RSRC1: variants seen among roughly 807,000 people sequenced by gnomAD.
RSRC1 encodes the protein serine/Arginine-related protein 53.
In RSRC1, 39 loss-of-function variants were observed where a neutral mutation model predicts 49.1. That is an observed-to-expected ratio of 0.79 (90% confidence interval 0.61 to 1.04). The LOEUF (loss-of-function observed/expected upper bound fraction) is 1.04. Ranked by LOEUF, RSRC1 falls within the 50% of genes least tolerant of loss-of-function variation. The pLI is 0.00. For missense variants in RSRC1, 388 were observed against 402.4 expected (o/e 0.96, Z 0.31); for synonymous variants, 143 against 130.8 (o/e 1.09, Z -0.63).
intron 4 of RSRC1, among the ~76,000 whole-genome samples, chr3:158,263,424 G>A (rs1290400073): frequency 6.6e-6 from 1 of 151,968 alleles, no homozygotes; most frequent in Non-Finnish European, 1.5e-5. Context: ...CATTTGCTTT[G>A]CTAATATTAT....
intron 6 of RSRC1, among the ~76,000 whole-genome samples, chr3:158,378,850 G>A (rs1426301407): frequency 6.6e-6 from 1 of 152,158 alleles, no homozygotes; most frequent in Non-Finnish European, 1.5e-5. Context: ...CTCAAAAGCA[G>A]TGAGGTACCA....
intron 7 of RSRC1, among the ~76,000 whole-genome samples, chr3:158,483,691 TA>T (rs1738705211): frequency 6.6e-6 from 1 of 152,086 alleles, no homozygotes. Flanking sequence ...ATGTAATCTT[TA>T]AAAAGACAAA....
intron 4 of RSRC1, among the ~76,000 whole-genome samples, chr3:158,227,020 A>T (rs1281055128): frequency 6.6e-6 from 1 of 151,860 alleles, no homozygotes; most frequent in African/African-American, 2.4e-5. Flanking sequence ...ATTTATAATT[A>T]AATGAAAGAG....
chr3:158,357,293 A>G (rs978748328), intron 6 of RSRC1, among the ~76,000 whole-genome samples: 7 of 152,150 alleles, frequency 4.6e-5, no homozygotes, highest in African/African-American at 1.7e-4. Flanking sequence ...TCCAAAAGTA[A>G]TTGCAGTTTT....
chr3:158,505,990 A>G (rs1010187984), intron 7 of RSRC1, among the ~76,000 whole-genome samples: 4 of 152,172 alleles, frequency 2.6e-5, no homozygotes, highest in African/African-American at 9.7e-5. Flanking sequence ...AAAAATCCCA[A>G]AGAAATTTGT....
At chr3:158,195,779 G>A (rs1032250007) in intron 3 of RSRC1, among the ~76,000 whole-genome samples, 15 of 152,040 alleles carry the variant, frequency 9.9e-5, no homozygotes, top group African/African-American at 3.4e-4. Flanking sequence ...TCTTGTTTTT[G>A]TCAGTTTGGT....
At chr3:158,254,683 C>T (rs373614286) in intron 4 of RSRC1, among the ~76,000 whole-genome samples, 72 of 152,216 alleles carry the variant, frequency 4.7e-4, no homozygotes, top group Admixed American at 3.5e-3. Flanking sequence ...CCACCCACCT[C>T]GGCCTCTCAA....
chr3:158,416,625 G>T (rs143321666), intron 6 of RSRC1, among the ~76,000 whole-genome samples: 3 of 152,052 alleles, frequency 2.0e-5, no homozygotes, highest in African/African-American at 7.2e-5. Context: ...CTCAGCCTTT[G>T]TGTTGCCCCA....
chr3:158,145,564 A>G (rs74944238), intron 3 of RSRC1, among the ~76,000 whole-genome samples: 95,714 of 151,928 alleles, frequency 0.63, 30,782 homozygotes, highest in African/African-American at 0.73. Context: ...GTCAGGTAGC[A>G]TGATGCCTCC....
At chr3:158,518,419 G>A (rs1740722816) in intron 7 of RSRC1, among the ~76,000 whole-genome samples, 1 of 148,942 alleles carries the variant, frequency 6.7e-6, no homozygotes, top group Admixed American at 6.7e-5. Context: ...TGGGTTAAAG[G>A]ACTACTATAA....
chr3:158,306,984 GT>G (rs1272594919), intron 5 of RSRC1, among the ~76,000 whole-genome samples: 1 of 16,500 alleles, frequency 6.1e-5, no homozygotes, highest in African/African-American at 6.8e-4. Flanking sequence ...AGTTATCAAA[GT>G]TATTTTTTTT....
chr3:158,168,133 A>G (rs1016891860), intron 3 of RSRC1, among the ~76,000 whole-genome samples: 4 of 152,116 alleles, frequency 2.6e-5, no homozygotes, highest in African/African-American at 7.2e-5. Flanking sequence ...GCTTCCCTCT[A>G]CAATAGCAGC....
At chr3:158,158,129 A>AT (rs772906724) in intron 3 of RSRC1, among the ~76,000 whole-genome samples, 2 of 152,190 alleles carry the variant, frequency 1.3e-5, no homozygotes, top group Non-Finnish European at 2.9e-5. Context: ...ATAAAGTGCT[A>AT]TATGTAATCT....
intron 5 of RSRC1, among the ~76,000 whole-genome samples, chr3:158,317,457 T>C (rs1187762548): frequency 2.0e-5 from 3 of 152,182 alleles, no homozygotes; most frequent in Non-Finnish European, 4.4e-5. Flanking sequence ...CTCGAACTCC[T>C]GAGCTCAAGT....
At chr3:158,236,089 C>T (rs1432243222) in intron 4 of RSRC1, among the ~76,000 whole-genome samples, 1 of 150,480 alleles carries the variant, frequency 6.6e-6, no homozygotes, top group Non-Finnish European at 1.5e-5. Context: ...GCACTCCAGC[C>T]TGGGTGACAG....
chr3:158,124,943 G>A lies in RSRC1; in HGVS notation c.320+952G>A, dbSNP rs188979678. Among the ~76,000 whole-genome samples the A allele has an allele frequency of 1.2e-3, 185 of 151,158 alleles. 2 individuals carry two copies. The South Asian group carries it at 0.021, about 17-fold the overall frequency. ...TGATCTTCTCACCTCAGTCTCCTAA[G>A]TGGCTAGAAATACAAGCATACACCA... On this transcript the variant is annotated intron_variant, in intron 3 of 9. Transcript: ENST00000611884.
chr3:158,258,476 C>A (rs540801521), intron 4 of RSRC1, among the ~76,000 whole-genome samples: 1 of 151,760 alleles, frequency 6.6e-6, no homozygotes, highest in Admixed American at 6.6e-5. Flanking sequence ...CTTTAGGATC[C>A]TTTTCTTTCT....
At chr3:158,435,361 T>C (rs1300272055) in intron 6 of RSRC1, among the ~76,000 whole-genome samples, 2 of 151,762 alleles carry the variant, frequency 1.3e-5, no homozygotes, top group Non-Finnish European at 2.9e-5. Flanking sequence ...TTGTTTTATG[T>C]TGATGTAATA....
At chr3:158,428,781 G>A (rs1277484584) in intron 6 of RSRC1, among the ~76,000 whole-genome samples, 1 of 151,836 alleles carries the variant, frequency 6.6e-6, no homozygotes. Context: ...CCAGTTATGT[G>A]TATTCACATG....
Sources: gnomAD v4.1 joint callset for allele counts (sites outside exome capture counted in the v4.1 genomes callset) on GRCh38, gnomAD v4.1.1 for gene constraint, MANE v1.5 for transcripts, NCBI Gene and HGNC (gene_info 2026-07-23, HGNC 2026-07-21) for gene names.